Variants in ZC3H12B observed in about 807,000 individuals in gnomAD.
ZC3H12B encodes zinc finger CCCH-type containing 12B, also known as probable ribonuclease ZC3H12B.
Under a neutral mutation model 43.9 loss-of-function variants are expected in ZC3H12B, and 7 were observed. The observed-to-expected ratio is 0.16, with a 90% CI of 0.09 to 0.30. The LOEUF (loss-of-function observed/expected upper bound fraction) is 0.30. ZC3H12B is among the 10% of genes least tolerant of loss of function. The pLI, the probability that ZC3H12B is intolerant of heterozygous loss-of-function variation, is 1.00. For synonymous variants in ZC3H12B, 222 were observed against 241.7 expected (o/e 0.92, Z 0.76); for missense variants, 475 against 670.2 (o/e 0.71, Z 3.22).
At chrX:65,504,756 G>T (rs2068409079) in exon 5 of ZC3H12B, 1 of 112,854 alleles carries the variant, frequency 8.9e-6, no homozygotes, top group Non-Finnish European at 1.9e-5. Context: ...TGTAATGGAG[G>T]ACAGTGCACA....
At chrX:65,132,738 G>A in the ZC3H12B span, among the ~76,000 whole-genome samples, 1 of 111,609 alleles carries the variant, frequency 9.0e-6, no homozygotes, top group African/African-American at 3.3e-5. Flanking sequence ...ACCCACAACA[G>A]TTATGGAGGC....
the ZC3H12B span, among the ~76,000 whole-genome samples, chrX:65,061,062 T>C: frequency 1.8e-5 from 2 of 112,275 alleles, no homozygotes; most frequent in Admixed American, 1.9e-4. Flanking sequence ...ATAGTTGCTC[T>C]TTGTAGCTAC....
At chrX:65,040,316 C>T in the ZC3H12B span, among the ~76,000 whole-genome samples, 1 of 108,769 alleles carries the variant, frequency 9.2e-6, no homozygotes, top group Non-Finnish European at 1.9e-5. Flanking sequence ...TAAATGTGCA[C>T]ATAGATCCTT....
At chrX:65,206,890 C>A in the ZC3H12B span, among the ~76,000 whole-genome samples, 12 of 109,949 alleles carry the variant, frequency 1.1e-4, no homozygotes, top group African/African-American at 4.0e-4. Context: ...CAGTGGCCAA[C>A]AAATACATGA....
the ZC3H12B span, among the ~76,000 whole-genome samples, chrX:65,093,563 C>A: frequency 1.2e-4 from 13 of 112,372 alleles, no homozygotes; most frequent in African/African-American, 3.9e-4. Flanking sequence ...GGGTGTAAGA[C>A]ATGGATTCAA....
intron 3 of ZC3H12B, among the ~76,000 whole-genome samples, chrX:65,413,104 C>A (rs1175698094): frequency 9.0e-6 from 1 of 111,054 alleles, no homozygotes; most frequent in Non-Finnish European, 1.9e-5. Flanking sequence ...AGAGAAATAT[C>A]TATTTCAAAT....
intron 2 of ZC3H12B, among the ~76,000 whole-genome samples, chrX:65,390,432 A>T: frequency 9.0e-6 from 1 of 111,480 alleles, no homozygotes; most frequent in Non-Finnish European, 1.9e-5. Flanking sequence ...GAGTTGCTAT[A>T]CTCGAAATCA....
intron 1 of ZC3H12B, among the ~76,000 whole-genome samples, chrX:65,368,019 T>G (rs1162518638): frequency 1.8e-5 from 2 of 112,009 alleles, no homozygotes; most frequent in Non-Finnish European, 3.8e-5. Context: ...TTCTGGACCA[T>G]AGTTTAATGA....
At chrX:65,205,908 C>A in the ZC3H12B span, among the ~76,000 whole-genome samples, 1 of 111,757 alleles carries the variant, frequency 8.9e-6, no homozygotes. Flanking sequence ...AAGAACTCAA[C>A]CCCTTTCACA....
intron 3 of ZC3H12B, among the ~76,000 whole-genome samples, chrX:65,448,812 CA>C (rs1206922223): frequency 3.8e-5 from 3 of 79,839 alleles, no homozygotes; most frequent in Admixed American, 1.6e-4. Context: ...AATGATACTC[CA>C]AAAAAAGAAG....
the ZC3H12B span, among the ~76,000 whole-genome samples, chrX:65,103,991 A>C: frequency 1.8e-5 from 2 of 111,952 alleles, no homozygotes; most frequent in Non-Finnish European, 1.9e-5. Context: ...ACAAAGCTGG[A>C]GGTATCATGC....
At chrX:65,444,550 A>G (rs774778363) in intron 3 of ZC3H12B, among the ~76,000 whole-genome samples, 6 of 112,583 alleles carry the variant, frequency 5.3e-5, no homozygotes, top group Non-Finnish European at 1.1e-4. Context: ...CTGTAAGTCC[A>G]TTAAACCTCT....
the ZC3H12B span, among the ~76,000 whole-genome samples, chrX:65,268,868 A>G: frequency 3.6e-3 from 400 of 112,419 alleles, 3 homozygotes; most frequent in African/African-American, 0.012. Context: ...TCTATTTATC[A>G]TAGTATTAGT....
the ZC3H12B span, among the ~76,000 whole-genome samples, chrX:65,119,215 G>T: frequency 9.0e-6 from 1 of 111,492 alleles, no homozygotes; most frequent in Non-Finnish European, 1.9e-5. Flanking sequence ...GATCCCTGAG[G>T]AATCGCCACA....
chrX:65,045,874 A>G, the ZC3H12B span, among the ~76,000 whole-genome samples: 1 of 112,085 alleles, frequency 8.9e-6, no homozygotes, highest in South Asian at 3.7e-4. Flanking sequence ...ATGTTATGTT[A>G]TCAAGCGTGA....
the ZC3H12B span, among the ~76,000 whole-genome samples, chrX:65,335,559 A>C: frequency 0.082 from 9,188 of 111,480 alleles, 1,021 homozygotes; most frequent in African/African-American, 0.29. Flanking sequence ...GGGAAAATTC[A>C]AGACGGTTCT....
At chrX:65,121,275 G>T in the ZC3H12B span, among the ~76,000 whole-genome samples, 3 of 111,239 alleles carry the variant, frequency 2.7e-5, no homozygotes, top group Non-Finnish European at 5.7e-5. Context: ...GAATCCGTCT[G>T]GTCCTGGAGT....
At chrX:65,160,661 AT>A in the ZC3H12B span, among the ~76,000 whole-genome samples, 1 of 110,536 alleles carries the variant, frequency 9.0e-6, no homozygotes, top group African/African-American at 3.3e-5. Context: ...TTTCTTCTTT[AT>A]TAGTCTTGCT....
At chrX:65,181,993 G>T in the ZC3H12B span, among the ~76,000 whole-genome samples, 1 of 111,694 alleles carries the variant, frequency 9.0e-6, no homozygotes, top group Admixed American at 9.6e-5. Flanking sequence ...CAAAGACTTG[G>T]AACCAACCCA....
Sources: allele counts gnomAD v4.1 joint callset (sites outside exome capture counted in the v4.1 genomes callset), GRCh38; gene constraint gnomAD v4.1.1; transcripts MANE v1.5; gene names NCBI Gene and HGNC (gene_info 2026-07-23, HGNC 2026-07-21).